Variants in RAPGEF4 observed in about 807,000 individuals in gnomAD.
RAPGEF4 encodes the protein RAP guanine-nucleotide-exchange factor (GEF) 4.
RAPGEF4 carries 66 observed loss-of-function variants against 147.9 expected under a neutral mutation model. The ratio of observed to expected loss-of-function variants is 0.45; its 90% CI spans 0.37 to 0.55. The LOEUF (loss-of-function observed/expected upper bound fraction) is 0.55. Ranked by LOEUF, RAPGEF4 falls within the 20% of genes least tolerant of loss-of-function variation. RAPGEF4 has a pLI of 0.00. For missense variants in RAPGEF4, 1,071 were observed against 1,257.3 expected, an observed-to-expected ratio of 0.85 and a Z score of 2.24; for synonymous variants, 419 against 442.7, an observed-to-expected ratio of 0.95 and a Z score of 0.67.
At chr2:173,048,237 A>G (rs1234469532) in intron 29 of RAPGEF4, 1 of 199,238 alleles carries the variant, frequency 5.0e-6, no homozygotes, top group East Asian at 1.5e-4. Context: ...ACCCTTCTCC[A>G]CATCTAGGAT....
At chr2:172,819,461 C>CTTTTTTTTTTTTTTTT (rs1242605865) in intron 4 of RAPGEF4, among the ~76,000 whole-genome samples, 7 of 87,014 alleles carry the variant, frequency 8.0e-5, no homozygotes, top group Admixed American at 1.7e-4. Flanking sequence ...ATTTTTAGTT[C>CTTTTTTTTTTTTTTTT]TTTTTTTTTT....
At chr2:172,937,071 A>T (rs371379872) in intron 6 of RAPGEF4, among the ~76,000 whole-genome samples, 12 of 120,342 alleles carry the variant, frequency 1.0e-4, no homozygotes, top group African/African-American at 3.3e-4. Context: ...GTCTTTTTTA[A>T]TTAGTCAGGC....
intron 23 of RAPGEF4, among the ~76,000 whole-genome samples, chr2:173,023,159 G>A (rs1185030161): frequency 3.3e-5 from 5 of 152,162 alleles, no homozygotes; most frequent in East Asian, 1.9e-4. Context: ...AAGATGCTCC[G>A]GGTAGCTTAC....
At chr2:172,947,923 C>T (rs1357620002) in intron 6 of RAPGEF4, among the ~76,000 whole-genome samples, 1 of 152,146 alleles carries the variant, frequency 6.6e-6, no homozygotes, top group Non-Finnish European at 1.5e-5. Flanking sequence ...AACAGAATGT[C>T]ACCACCACCC....
intron 17 of RAPGEF4, among the ~76,000 whole-genome samples, chr2:173,003,703 TTTC>T (rs78560261): frequency 0.012 from 780 of 63,526 alleles, 9 homozygotes; most frequent in African/African-American, 0.04. Flanking sequence ...GCCTTTTTTT[TTTC>T]TCTCTCTCTC....
chr2:172,735,477 G>A (rs1274140760), upstream of RAPGEF4: 1 of 152,262 alleles, frequency 6.6e-6, no homozygotes, highest in African/African-American at 2.4e-5. Flanking sequence ...GAAACAGAGA[G>A]GCAGCAGCCA....
chr2:172,948,367 A>G (rs552058245), intron 6 of RAPGEF4, among the ~76,000 whole-genome samples: 26 of 152,316 alleles, frequency 1.7e-4, no homozygotes, highest in African/African-American at 5.1e-4. Flanking sequence ...AATTTTAGAT[A>G]TATGTATGTG....
intron 1 of RAPGEF4, among the ~76,000 whole-genome samples, chr2:172,752,504 G>A (rs1357070046): frequency 6.6e-6 from 1 of 152,154 alleles, no homozygotes; most frequent in East Asian, 1.9e-4. Context: ...TGATGTTAGG[G>A]CACCATATGT....
At chr2:172,881,533 T>C (rs1457328309) in intron 4 of RAPGEF4, among the ~76,000 whole-genome samples, 1 of 152,212 alleles carries the variant, frequency 6.6e-6, no homozygotes, top group Non-Finnish European at 1.5e-5. Flanking sequence ...GAGCTAGAAG[T>C]TTTAGCACTT....
chr2:172,861,204 T>C (rs975814715), intron 4 of RAPGEF4, among the ~76,000 whole-genome samples: 4 of 151,812 alleles, frequency 2.6e-5, no homozygotes, highest in Admixed American at 6.6e-5. Flanking sequence ...AAATAATGCA[T>C]GGGCAAGAGC....
intron 7 of RAPGEF4, 34 bp downstream of exon 7, chr2:172,960,847 A>C (rs774065907): frequency 6.5e-7 from 1 of 1,538,768 alleles, no homozygotes; most frequent in Non-Finnish European, 8.9e-7. Flanking sequence ...TGAGCCATTG[A>C]GCTAGCTTCT....
intron 4 of RAPGEF4, among the ~76,000 whole-genome samples, chr2:172,875,506 T>A (rs1559090641): frequency 6.6e-6 from 1 of 152,188 alleles, no homozygotes; most frequent in Non-Finnish European, 1.5e-5. Context: ...AAATAGGGAA[T>A]CCTTTCCCTA....
intron 4 of RAPGEF4, among the ~76,000 whole-genome samples, chr2:172,843,825 C>A (rs1317125610): frequency 6.6e-6 from 1 of 152,188 alleles, no homozygotes; most frequent in Non-Finnish European, 1.5e-5. Context: ...ACGCTAGGAT[C>A]TGTTATCTGT....
intron 6 of RAPGEF4, among the ~76,000 whole-genome samples, chr2:172,935,512 A>C (rs1686469530): frequency 6.6e-6 from 1 of 152,136 alleles, no homozygotes; most frequent in Non-Finnish European, 1.5e-5. Context: ...CATTCCGCTG[A>C]CTGCCAAAAA....
chr2:173,005,520 G>GTTTTTTTTTTTTTTTTTTTTTTGTTTTTT (rs573596077), intron 17 of RAPGEF4, among the ~76,000 whole-genome samples: 1 of 86,736 alleles, frequency 1.2e-5, no homozygotes, highest in Admixed American at 1.6e-4. Flanking sequence ...GTTGTTTTGT[G>GTTTTTTTTTTTTTTTTTTTTTTGTTTTTT]TTTTTTTTTT....
At chr2:173,035,528 A>G (rs1362699933) in intron 27 of RAPGEF4, among the ~76,000 whole-genome samples, 2 of 150,476 alleles carry the variant, frequency 1.3e-5, no homozygotes, top group Non-Finnish European at 3.0e-5. Flanking sequence ...AAAAAAAAAA[A>G]GGGATCTCAC....
At chr2:172,752,358 C>T (rs1695378178) in intron 1 of RAPGEF4, among the ~76,000 whole-genome samples, 1 of 152,204 alleles carries the variant, frequency 6.6e-6, no homozygotes, top group Non-Finnish European at 1.5e-5. Context: ...ATTCCACCAT[C>T]TGCCTTTTGA....
At chr2:172,918,592 G>A (rs185863530) in intron 5 of RAPGEF4, among the ~76,000 whole-genome samples, 1 of 152,102 alleles carries the variant, frequency 6.6e-6, no homozygotes, top group African/African-American at 2.4e-5. Flanking sequence ...TTTTCTCTGT[G>A]GTATTCTTCT....
chr2:173,018,950 A>G, intron 22 of RAPGEF4, 148 bp downstream of exon 22: 1 of 916,786 alleles, frequency 1.1e-6, no homozygotes, highest in South Asian at 1.7e-5. Flanking sequence ...CAGAAACAGT[A>G]TGGGTAGAGG....
Sources: gnomAD v4.1 joint callset for allele counts (sites outside exome capture counted in the v4.1 genomes callset) on GRCh38, gnomAD v4.1.1 for gene constraint, MANE v1.5 for transcripts, NCBI Gene and HGNC (gene_info 2026-07-23, HGNC 2026-07-21) for gene names.